Variants in CASZ1 observed in about 807,000 individuals in gnomAD.
CASZ1 encodes castor zinc finger 1.
CASZ1 carries 28 observed loss-of-function variants against 135.2 expected under a neutral mutation model. The ratio of observed to expected loss-of-function variants is 0.21; its 90% CI spans 0.15 to 0.28. CASZ1 has a LOEUF of 0.28. CASZ1 is among the 10% of genes least tolerant of loss of function. CASZ1 has a pLI of 1.00. For missense variants in CASZ1, 2,161 were observed against 2,453.3 expected (o/e 0.88, Z 2.52); for synonymous variants, 1,068 against 1,073.4 (o/e 0.99, Z 0.10).
chr1:10,714,825 C>T lies in CASZ1; in HGVS notation c.-76-9281G>A, dbSNP rs377554204. ...GGCCTCGGCCTTTCTGCAGTTTCCTCCACCCTCTGCCCCTTCCCTGGCCAG... is the reference window on the plus strand; with the variant it reads ...GGCCTCGGCCTTTCTGCAGTTTCCTTCACCCTCTGCCCCTTCCCTGGCCAG... On this transcript the variant is annotated intron_variant, in intron 2 of 20. Transcript: ENST00000377022. Among the ~76,000 whole-genome samples, 26 of 152,312 alleles carry T rather than the reference C, an allele frequency of 1.7e-4. No homozygotes were observed. In the South Asian group the frequency reaches 4.6e-3, roughly 27 times the overall value.
chr1:10,678,135 C>T (rs1021251282), intron 4 of CASZ1, among the ~76,000 whole-genome samples: 2 of 152,326 alleles, frequency 1.3e-5, no homozygotes, highest in East Asian at 3.9e-4. Context: ...AGGCCCAGCC[C>T]AGGAGAGGCG....
intron 2 of CASZ1, among the ~76,000 whole-genome samples, chr1:10,749,000 G>A (rs1465863563): frequency 3.3e-5 from 5 of 152,196 alleles, no homozygotes; most frequent in Admixed American, 3.3e-4. Flanking sequence ...AGGATGAGAC[G>A]TGGGATTCCT....
chr1:10,752,108 C>T (rs537190395), intron 2 of CASZ1, among the ~76,000 whole-genome samples: 2 of 152,324 alleles, frequency 1.3e-5, no homozygotes, highest in African/African-American at 2.4e-5. Flanking sequence ...GCACGGGCTG[C>T]CCAGTTGGGG....
intron 4 of CASZ1, among the ~76,000 whole-genome samples, chr1:10,668,703 C>A (rs916637197): frequency 2.0e-5 from 3 of 152,246 alleles, no homozygotes; most frequent in African/African-American, 7.2e-5. Flanking sequence ...GAGCTCACGG[C>A]GGAGCTCTGC....
Position 10,735,955 on chromosome 1 carries a change from G to A in CASZ1, c.-77+24746C>T, listed in dbSNP as rs1480927815. Among the ~76,000 whole-genome samples the A allele has an allele frequency of 6.6e-6, 1 of 152,124 alleles. No homozygotes were observed. The highest frequency in any genetic ancestry group is 2.1e-4 in the South Asian group (1 of 4,828). ...GCGGACACCACTCTCTCCTACCCAG[G>A]GGCAGGGCAGTTTGACCTCCTTAAG... On this transcript the variant is annotated intron_variant, in intron 2 of 20. Transcript: ENST00000377022. The surrounding 1 kb of genome is among the most constrained non-coding windows in gnomAD (Gnocchi z 5.1).
chr1:10,680,538 G>A (rs1638381775), intron 4 of CASZ1, among the ~76,000 whole-genome samples: 1 of 152,274 alleles, frequency 6.6e-6, no homozygotes, highest in African/African-American at 2.4e-5. Flanking sequence ...GGTCTCAGGG[G>A]GTGCAGTGTT....
At chr1:10,712,178 T>G (rs1181625144) in intron 2 of CASZ1, among the ~76,000 whole-genome samples, 1 of 151,836 alleles carries the variant, frequency 6.6e-6, no homozygotes, top group African/African-American at 2.4e-5. Flanking sequence ...AAACCCCGTC[T>G]CTACTAAAAA....
rs893325973 is a variant in CASZ1 at position 10,706,724 on chromosome 1, C to T, written c.-76-1180G>A. On this transcript the variant is annotated intron_variant, in intron 2 of 20. Coordinates refer to ENST00000377022, the MANE Select transcript of CASZ1 (RefSeq NM_001079843.3). The surrounding 1 kb of genome is among the most constrained non-coding windows in gnomAD (Gnocchi z 4.3). ...TTGGGCTGCCCGGGCAGAGGGTGCC[C>T]ACTGGGGCGGAGCCTGCCCTGCCAG... 6.6e-6 allele frequency among the ~76,000 whole-genome samples: 1 copy of T among 152,166 alleles called. No individual in the cohort carries two copies. The highest frequency in any genetic ancestry group is 1.5e-5 in the Non-Finnish European group (1 of 68,010).
rs182418705 is a variant in CASZ1, at chr1:10,777,545, C to T, written c.-233-16688G>A. 3.9e-5 allele frequency among the ~76,000 whole-genome samples: 6 copies of T among 152,210 alleles called. No individual in the cohort carries two copies. The highest frequency in any genetic ancestry group is 5.9e-5 in the Non-Finnish European group (4 of 68,006). On this transcript the variant is annotated intron_variant, in intron 1 of 20. Coordinates refer to ENST00000377022, the MANE Select transcript of CASZ1 (RefSeq NM_001079843.3). The surrounding 1 kb of genome is among the most constrained non-coding windows in gnomAD (Gnocchi z 4.4). ...TACGCGAAAAACAGACGGAAGACCC[C>T]GTTAATTTTACTCTGCCCGGCTACT...
In CASZ1 at chr1:10,647,395, C is replaced by A; in HGVS notation, c.3497+406G>T. On this transcript the variant is annotated intron_variant, in intron 16 of 20. Coordinates refer to ENST00000377022, the MANE Select transcript of CASZ1 (RefSeq NM_001079843.3). The surrounding 1 kb of genome is among the most constrained non-coding windows in gnomAD (Gnocchi z 4.9). ...GGGGCCTGGCCCCTACCCGTGACTT[C>A]ACGTGCCCTGCAGAGATTCAGCCAT... 1 of 1,082,972 alleles carries A rather than the reference C, an allele frequency of 9.2e-7. No homozygotes were observed. The highest frequency in any genetic ancestry group is 1.1e-6 in the Non-Finnish European group (1 of 889,356). 67.1% of individuals were successfully genotyped at this position (1,082,972 alleles called of 1,614,324 possible). A position where few individuals can be genotyped will look rare whatever the true frequency, so the allele number is the denominator to read the frequency against.
chr1:10,684,320 G>A (rs963207701), intron 4 of CASZ1, among the ~76,000 whole-genome samples: 8 of 152,146 alleles, frequency 5.3e-5, no homozygotes, highest in Non-Finnish European at 8.8e-5. Flanking sequence ...TCTAGGCCGG[G>A]TCAAGCTTCC....
At chr1:10,673,485 T>G (rs1643472073) in intron 4 of CASZ1, among the ~76,000 whole-genome samples, 1 of 151,952 alleles carries the variant, frequency 6.6e-6, no homozygotes, top group Non-Finnish European at 1.5e-5. Context: ...TCTCTCGCAC[T>G]CTTGTGCTCA....
intron 2 of CASZ1, among the ~76,000 whole-genome samples, chr1:10,728,972 C>T (rs1052353981): frequency 6.6e-6 from 1 of 152,174 alleles, no homozygotes; most frequent in Admixed American, 6.5e-5. Flanking sequence ...GAGGCCTTCC[C>T]CCCCCACTCT....
intron 1 of CASZ1, among the ~76,000 whole-genome samples, chr1:10,784,399 C>T (rs1640818706): frequency 2.6e-5 from 4 of 152,186 alleles, no homozygotes; most frequent in South Asian, 2.1e-4. Context: ...GACCTCCAGC[C>T]GTACGTGGCT....
chr1:10,743,040 G>C (rs1233275340), intron 2 of CASZ1, among the ~76,000 whole-genome samples: 1 of 152,144 alleles, frequency 6.6e-6, no homozygotes, highest in East Asian at 1.9e-4. Flanking sequence ...GTTCCTGGGG[G>C]TGGAGCAGCC....
rs572622732 is a variant in CASZ1, at chr1:10,781,775, C to T, written c.-234+14789G>A. Among the ~76,000 whole-genome samples, 7 of 152,228 alleles carry T rather than the reference C, an allele frequency of 4.6e-5. No homozygotes were observed. The East Asian group carries it at 7.7e-4, about 17-fold the overall frequency. On this transcript the variant is annotated intron_variant, in intron 1 of 20. Transcript: ENST00000377022. ...CACCATGTGCCAGGAGCCCTTCCAG[C>T]GTCATTTCATCTAATCCTCACAGCA...
chr1:10,791,777 C>T (rs1640960943), intron 1 of CASZ1, among the ~76,000 whole-genome samples: 1 of 151,898 alleles, frequency 6.6e-6, no homozygotes, highest in African/African-American at 2.4e-5. Flanking sequence ...AGATGACTTT[C>T]CTTGAATGAT....
rs1642829603 is a variant in CASZ1 at position 10,657,189 on chromosome 1, G to A, written c.1410-453C>T. Among the ~76,000 whole-genome samples the A allele has an allele frequency of 6.6e-6, 1 of 152,222 alleles. No homozygotes were observed. Among genetic ancestry groups the A allele is most frequent in the African/African-American group, 2.4e-5 (1 of 41,450 alleles). ...GGCTTTTCCTGACACTTGAAACAGTGCAGAGCTATGAATTTTTAAAGCACA... is the reference window on the plus strand; with the variant it reads ...GGCTTTTCCTGACACTTGAAACAGTACAGAGCTATGAATTTTTAAAGCACA... On this transcript the variant is annotated intron_variant, in intron 7 of 20. Coordinates refer to ENST00000377022, the MANE Select transcript of CASZ1 (RefSeq NM_001079843.3). This position sits in a 1 kb window ranked among gnomAD's most constrained non-coding sequence, Gnocchi z 5.7.
chr1:10,765,374 G>A (rs2100583242), intron 1 of CASZ1, among the ~76,000 whole-genome samples: 1 of 150,576 alleles, frequency 6.6e-6, no homozygotes, highest in South Asian at 2.1e-4. Context: ...CCCAACTCCA[G>A]GGCTGTATGG....
Sources: gnomAD v4.1 joint callset for allele counts (sites outside exome capture counted in the v4.1 genomes callset) on GRCh38, gnomAD v4.1.1 for gene constraint, Gnocchi (gnomAD v3.1) non-coding constraint, MANE v1.5 for transcripts, NCBI Gene and HGNC (gene_info 2026-07-23, HGNC 2026-07-21) for gene names.